HEPHL1: variants seen among roughly 807,000 people sequenced by gnomAD.
HEPHL1 encodes ferroxidase HEPHL1.
Under a neutral mutation model 122.0 loss-of-function variants are expected in HEPHL1, and 123 were observed. The ratio of observed to expected loss-of-function variants is 1.01; its 90% CI spans 0.87 to 1.17. The LOEUF is 1.17. Ranked by LOEUF, HEPHL1 falls within the 50% of genes most tolerant of loss-of-function variation. The pLI is 0.00. For missense variants in HEPHL1, 1,452 were observed against 1,430.5 expected, an observed-to-expected ratio of 1.01 and a Z score of -0.24; for synonymous variants, 527 against 508.9, an observed-to-expected ratio of 1.04 and a Z score of -0.48.
Position 94,084,911 on chromosome 11 carries a change from G to A in HEPHL1, c.1868-1066G>A, listed in dbSNP as rs1343859510. Reference sequence around the variant, plus strand: ...TTGCAGACACAGAAATATTAGGATAGTACAAAAGTAATTGCGGTTTTTGCA... The same window carrying A: ...TTGCAGACACAGAAATATTAGGATAATACAAAAGTAATTGCGGTTTTTGCA... On this transcript the variant is annotated intron_variant, in intron 10 of 19. Transcript: ENST00000315765. Among the ~76,000 whole-genome samples the A allele has an allele frequency of 2.0e-5, 3 of 152,264 alleles. No homozygotes were observed. The East Asian group carries it at 5.8e-4, about 29-fold the overall frequency.
chr11:94,043,778 CCTGA>C (rs1945808750), intron 1 of HEPHL1, among the ~76,000 whole-genome samples: 1 of 151,860 alleles, frequency 6.6e-6, no homozygotes, highest in Non-Finnish European at 1.5e-5. Context: ...GGAAACTTCC[CCTGA>C]CTTATCTTTG....
intron 1 of HEPHL1, among the ~76,000 whole-genome samples, chr11:94,037,301 C>T (rs999492669): frequency 4.6e-5 from 7 of 151,830 alleles, no homozygotes; most frequent in Admixed American, 2.0e-4. Context: ...GAGGGGCGCC[C>T]GCCATTGCCC....
intron 12 of HEPHL1, among the ~76,000 whole-genome samples, chr11:94,089,451 G>A (rs1277836410): frequency 6.6e-6 from 1 of 152,192 alleles, no homozygotes. Context: ...GAGACTCCGG[G>A]ATCGGGGTAG....
intron 2 of HEPHL1, among the ~76,000 whole-genome samples, chr11:94,057,802 T>C (rs1945950741): frequency 1.3e-5 from 2 of 152,176 alleles, no homozygotes; most frequent in South Asian, 4.1e-4. Flanking sequence ...CTGCCTTTTT[T>C]TCTCTATTAA....
chr11:94,056,312 A>G (rs1353016700), intron 2 of HEPHL1, among the ~76,000 whole-genome samples: 9 of 152,130 alleles, frequency 5.9e-5, no homozygotes, highest in Admixed American at 5.2e-4. Context: ...GACAATCTCT[A>G]CATTTTGATT....
Position 94,105,974 on chromosome 11 carries a change from CT to C in HEPHL1, c.2906-15del. On this transcript the variant is annotated splice_polypyrimidine_tract_variant and intron_variant, in intron 16 of 19. Transcript: ENST00000315765. ...CTTTTAACTAACCAAAGGTTATTTT[CT>C]TATCACCTTTTAAAGCCATTAATGG... 6.5e-7 allele frequency: 1 copy of C among 1,533,184 alleles called. No individual in the cohort carries two copies. Among genetic ancestry groups the C allele is most frequent in the Non-Finnish European group, 8.9e-7 (1 of 1,129,194 alleles). 95.0% of individuals were successfully genotyped at this position (1,533,184 alleles called of 1,614,324 possible). A position where few individuals can be genotyped will look rare whatever the true frequency, so the allele number is the denominator to read the frequency against.
Position 94,083,129 on chromosome 11 carries a change from A to G in HEPHL1, c.1867+561A>G, listed in dbSNP as rs1400146951. Among the ~76,000 whole-genome samples, 6 of 152,132 alleles carry G rather than the reference A, an allele frequency of 3.9e-5. No individual in the cohort carries two copies. The South Asian group carries it at 8.3e-4, about 21-fold the overall frequency. On this transcript the variant is annotated intron_variant, in intron 10 of 19. Coordinates refer to ENST00000315765, the MANE Select transcript of HEPHL1 (RefSeq NM_001098672.2). ...AAACTAGCCAAGTTCACAGTATATC[A>G]TAAATGTAGAAAATTACTGACAAAC...
chr11:94,082,548 T>A lies in HEPHL1; in HGVS notation c.1847T>A (p.Val616Glu). The change falls in exon 10 of 20, where the codon GTG becomes GAG. Residue 616 changes from valine to glutamate, a missense_variant. Transcript: ENST00000315765. ...FSIDKEDKEF[V>E]KSNRMHAVNG... Reference sequence around the variant, plus strand: ...ATTGACAAAGAAGATAAAGAGTTTGTGAAATCCAACCGAATGCATGGTATG... The same window carrying A: ...ATTGACAAAGAAGATAAAGAGTTTGAGAAATCCAACCGAATGCATGGTATG... 1 of 1,611,522 alleles carries A rather than the reference T, an allele frequency of 6.2e-7. No individual in the cohort carries two copies. The highest frequency in any genetic ancestry group is 1.1e-5 in the South Asian group (1 of 90,126).
At chr11:94,043,470 G>T (rs781219959) in intron 1 of HEPHL1, among the ~76,000 whole-genome samples, 1 of 152,066 alleles carries the variant, frequency 6.6e-6, no homozygotes, top group African/African-American at 2.4e-5. Context: ...GCCAGGTCTG[G>T]ATCACAAGTC....
chr11:94,023,828 C>G (rs1945601924), intron 1 of HEPHL1, among the ~76,000 whole-genome samples: 2 of 152,150 alleles, frequency 1.3e-5, no homozygotes, highest in Admixed American at 6.6e-5. Context: ...GTGATCCCAT[C>G]AGAATACTGG....
Position 94,067,743 on chromosome 11 carries a change from C to A in HEPHL1, c.1056C>A (p.His352Gln), listed in dbSNP as rs763194956. ...TGATAACCTGCCAGGTCAGCGACCA[C>A]CTACAAGGTAAAAAGGATAAAGACC... ...KWMITCQVSDHLQAGMLGQYN... is the reference protein window; with the variant it reads ...KWMITCQVSDQLQAGMLGQYN... The change falls in exon 5 of 20, where the codon CAC (histidine) becomes CAA (glutamine). Residue 352 changes from histidine (H) to glutamine (Q), a missense_variant. Transcript: ENST00000315765. 1.2e-6 allele frequency: 2 copies of A among 1,613,242 alleles called. No individual in the cohort carries two copies. The highest frequency in any genetic ancestry group is 1.7e-5 in the Admixed American group (1 of 59,960).
At chr11:94,111,509 A>C in intron 18 of HEPHL1, 28 bp from the exon 19 acceptor site, 1 of 1,550,368 alleles carries the variant, frequency 6.5e-7, no homozygotes, top group Non-Finnish European at 8.8e-7. Flanking sequence ...GTTGTTAATA[A>C]AACAATGAAC....
At chr11:94,099,718 G>A (rs914641772) in intron 13 of HEPHL1, among the ~76,000 whole-genome samples, 5 of 152,088 alleles carry the variant, frequency 3.3e-5, no homozygotes, top group African/African-American at 9.7e-5. Context: ...AATGGTGGGC[G>A]CCCCTCCCCC....
At chr11:94,064,237 C>T (rs1484488480) in intron 3 of HEPHL1, 94 bp from the exon 4 acceptor site, 15 of 905,448 alleles carry the variant, frequency 1.7e-5, no homozygotes, top group Admixed American at 2.5e-5. Context: ...TATAGGTCTT[C>T]ACCAAACTTC....
Position 94,075,297 on chromosome 11 carries a change from C to A in HEPHL1, c.1628C>A (p.Ala543Glu), listed in dbSNP as rs752727506. 6.2e-7 allele frequency: 1 copy of A among 1,613,554 alleles called. No individual in the cohort carries two copies. The highest frequency in any genetic ancestry group is 1.7e-5 in the Admixed American group (1 of 59,916). The change falls in exon 9 of 20, where the codon GCA becomes GAA. Residue 543 changes from alanine (A) to glutamate (E), a missense_variant. Coordinates refer to ENST00000315765, the MANE Select transcript of HEPHL1 (RefSeq NM_001098672.2). ...TGTCTGACCTATCTTTACTTCTCAG[C>A]AGTTGATCCAATTAAGGACACCAGC... is the stretch of plus-strand genomic sequence containing the variant. ...PPCLTYLYFS[A>E]VDPIKDTSSG...
chr11:94,068,863 T>A (rs1390098527), intron 5 of HEPHL1, among the ~76,000 whole-genome samples: 1 of 152,154 alleles, frequency 6.6e-6, no homozygotes, highest in Non-Finnish European at 1.5e-5. Context: ...GATATTTGGA[T>A]ACTAACTTCC....
intron 8 of HEPHL1, among the ~76,000 whole-genome samples, chr11:94,074,501 ATGTT>A (rs1946104151): frequency 6.6e-6 from 1 of 152,112 alleles, no homozygotes; most frequent in Non-Finnish European, 1.5e-5. Flanking sequence ...AACTGACAAA[ATGTT>A]TGTTAACTCA....
intron 11 of HEPHL1, among the ~76,000 whole-genome samples, chr11:94,086,682 G>A (rs1946221029): frequency 6.6e-6 from 1 of 152,106 alleles, no homozygotes; most frequent in Non-Finnish European, 1.5e-5. Context: ...ATTCTGTTGG[G>A]CACCCTTGGT....
chr11:94,070,325 CT>C, intron 5 of HEPHL1, 48 bp from the exon 6 acceptor site: 1 of 1,528,290 alleles, frequency 6.5e-7, no homozygotes, highest in South Asian at 1.2e-5. Context: ...TATATGATTC[CT>C]TTTGTGATCA....
Sources: allele counts gnomAD v4.1 joint callset (sites outside exome capture counted in the v4.1 genomes callset), GRCh38; gene constraint gnomAD v4.1.1; transcripts MANE v1.5; gene names NCBI Gene and HGNC (gene_info 2026-07-23, HGNC 2026-07-21).